Variants in TSHR observed in about 807,000 individuals in gnomAD.
TSHR encodes thyrotropin receptor.
In TSHR, 51 loss-of-function variants were observed where a neutral mutation model predicts 64.1. The ratio of observed to expected loss-of-function variants is 0.80; its 90% confidence interval spans 0.64 to 1.01. The LOEUF is 1.01. Among genes scored for constraint, TSHR ranks in the 50% least tolerant of loss-of-function variants. TSHR has a pLI of 0.00. For synonymous variants in TSHR, 361 were observed against 361.9 expected, an observed-to-expected ratio of 1.00 and a Z score of 0.03; for missense variants, 877 against 942.8, an observed-to-expected ratio of 0.93 and a Z score of 0.91.
At chr14:81,011,100 A>G (rs1474716494) in intron 1 of TSHR, among the ~76,000 whole-genome samples, 2 of 152,198 alleles carry the variant, frequency 1.3e-5, no homozygotes, top group Admixed American at 1.3e-4. Flanking sequence ...AACATGACTG[A>G]GTTGGGTTTT....
chr14:81,113,338 G>A (rs930618176), intron 8 of TSHR, among the ~76,000 whole-genome samples: 12 of 152,206 alleles, frequency 7.9e-5, no homozygotes, highest in Non-Finnish European at 1.5e-5. Flanking sequence ...TGAGCAGTTA[G>A]GAGAATGAGA....
intron 8 of TSHR, 131 bp downstream of exon 8, chr14:81,108,583 T>C (rs1477626389): frequency 1.2e-6 from 2 of 1,613,892 alleles, no homozygotes; most frequent in Non-Finnish European, 1.7e-6. Context: ...TAAAGGCTTC[T>C]GCAAGTCCCT....
chr14:81,106,664 G>A (rs1222380491), intron 7 of TSHR, among the ~76,000 whole-genome samples: 1 of 152,048 alleles, frequency 6.6e-6, no homozygotes, highest in Non-Finnish European at 1.5e-5. Flanking sequence ...AAGAAAATTG[G>A]GCCGGCACGG....
chr14:81,087,864 C>A, intron 3 of TSHR, 90 bp from the exon 4 acceptor site: 1 of 1,065,510 alleles, frequency 9.4e-7, no homozygotes, highest in Non-Finnish European at 1.5e-6. Context: ...TTCTCATGAA[C>A]GTTTGTTAAA....
intron 7 of TSHR, chr14:81,105,128 C>G: frequency 2.0e-6 from 2 of 985,258 alleles, no homozygotes; most frequent in Non-Finnish European, 2.4e-6. Context: ...GTAGGTTAAC[C>G]AGATAGCCTA....
At chr14:81,062,366 T>C in intron 2 of TSHR, 147 bp downstream of exon 2, 1 of 602,970 alleles carries the variant, frequency 1.7e-6, no homozygotes, top group Non-Finnish European at 2.8e-6. Flanking sequence ...ATGTACATGA[T>C]TTTTATTTCA....
chr14:80,999,129 C>T (rs572140397), intron 1 of TSHR, among the ~76,000 whole-genome samples: 1 of 152,158 alleles, frequency 6.6e-6, no homozygotes, highest in African/African-American at 2.4e-5. Context: ...ATATCGTGTA[C>T]TTTAACCTCA....
At chr14:81,122,448 G>GA (rs144493158) in intron 8 of TSHR, among the ~76,000 whole-genome samples, 56 of 145,588 alleles carry the variant, frequency 3.8e-4, no homozygotes, top group Admixed American at 5.5e-4. Context: ...GACATCTTAT[G>GA]AAAAAAAAAA....
Position 81,019,702 on chromosome 14 carries a change from A to G in TSHR, c.171-42446A>G, listed in dbSNP as rs1467096021. Among the ~76,000 whole-genome samples the G allele has an allele frequency of 2.0e-5, 3 of 151,712 alleles. No individual in the cohort carries two copies. The South Asian group carries it at 6.3e-4, about 32-fold the overall frequency. On this transcript the variant is annotated intron_variant, in intron 1 of 9. Transcript: ENST00000298171. ...TCAACTCCCACTTACGAGTGAGAAC[A>G]TGCAGTGTTTGGTTTTCTGTTCTGG...
At chr14:81,010,373 C>CA (rs1175150022) in intron 1 of TSHR, among the ~76,000 whole-genome samples, 1 of 151,788 alleles carries the variant, frequency 6.6e-6, no homozygotes, top group Non-Finnish European at 1.5e-5. Flanking sequence ...TCGGAACAGC[C>CA]ATATATATGT....
intron 1 of TSHR, among the ~76,000 whole-genome samples, chr14:81,037,734 C>A (rs996784707): frequency 6.6e-6 from 1 of 151,654 alleles, no homozygotes; most frequent in Admixed American, 6.6e-5. Flanking sequence ...AAAGGGGAGA[C>A]AAAGAAGGTA....
rs1253064769 is a variant in TSHR, at chr14:81,130,975, G to C, written c.693-8704G>C. Reference sequence around the variant, plus strand: ...CACTGCAGTCCGCAGTCCGGCCTGGGCGACAGAGCGAGACTCCGTCTCCAA... The same window carrying C: ...CACTGCAGTCCGCAGTCCGGCCTGGCCGACAGAGCGAGACTCCGTCTCCAA... On this transcript the variant is annotated intron_variant, in intron 8 of 9. Coordinates refer to ENST00000298171, the MANE Select transcript of TSHR (RefSeq NM_000369.5). Among the ~76,000 whole-genome samples, 2 of 84,140 alleles carry C rather than the reference G, an allele frequency of 2.4e-5. 1 individual carries two copies. Among genetic ancestry groups the C allele is most frequent in the East Asian group, 7.6e-4 (2 of 2,630 alleles). The allele number at this position is 84,140 out of a possible 152,430, so 55.2% of individuals were successfully genotyped here.
chr14:81,104,028 C>A (rs1889741508), intron 7 of TSHR: 1 of 985,352 alleles, frequency 1.0e-6, no homozygotes, highest in Non-Finnish European at 1.2e-6. Context: ...TGGGAAAAGA[C>A]AATGATAGAG....
intron 1 of TSHR, among the ~76,000 whole-genome samples, chr14:81,005,837 C>A (rs534410237): frequency 1.3e-5 from 2 of 152,174 alleles, no homozygotes; most frequent in African/African-American, 2.4e-5. Flanking sequence ...CTTAAAATAG[C>A]GATGGGCCTT....
chr14:81,053,051 G>A (rs991872091), intron 1 of TSHR: 1 of 152,134 alleles, frequency 6.6e-6, no homozygotes, highest in Non-Finnish European at 1.5e-5. Context: ...GAAGACCCAG[G>A]AGAGCCAAAG....
At chr14:81,044,879 C>G (rs1035636064) in intron 1 of TSHR, among the ~76,000 whole-genome samples, 4 of 152,066 alleles carry the variant, frequency 2.6e-5, no homozygotes, top group Admixed American at 2.6e-4. Context: ...CACTATTTGA[C>G]CCAGCAATCC....
intron 1 of TSHR, among the ~76,000 whole-genome samples, chr14:81,002,781 C>CTTTTTTTTTTTTTTTTTTTTTTTTTTTT (rs1174635270): frequency 1.6e-4 from 7 of 44,322 alleles, no homozygotes; most frequent in Non-Finnish European, 2.0e-4. Context: ...CCTAATGCCT[C>CTTTTTTTTTTTTTTTTTTTTTTTTTTTT]TTTTTTTTTT....
chr14:81,001,212 T>C (rs950028014), intron 1 of TSHR: 4 of 162,720 alleles, frequency 2.5e-5, no homozygotes, highest in African/African-American at 9.6e-5. Context: ...AGATATCTTT[T>C]TTTTCCTTAT....
intron 1 of TSHR, among the ~76,000 whole-genome samples, chr14:81,034,274 G>A (rs972208390): frequency 1.3e-5 from 2 of 152,200 alleles, no homozygotes; most frequent in Non-Finnish European, 1.5e-5. Context: ...CACAGAGAAT[G>A]AGAAGTCTAT....
Sources: allele counts gnomAD v4.1 joint callset (sites outside exome capture counted in the v4.1 genomes callset), GRCh38; gene constraint gnomAD v4.1.1; transcripts MANE v1.5; gene names NCBI Gene and HGNC (gene_info 2026-07-23, HGNC 2026-07-21).